The following GRM5 variants were observed in gnomAD, a reference collection of about 807,000 sequenced individuals.
The protein encoded by GRM5 is metabotropic glutamate receptor 5.
A neutral mutation model predicts 83.1 loss-of-function variants in GRM5; 19 were observed. The observed-to-expected ratio is 0.23, with a 90% CI of 0.16 to 0.34. GRM5 has a LOEUF of 0.34. Among genes scored for constraint, GRM5 ranks in the 10% least tolerant of loss-of-function variants. The pLI, the probability that GRM5 is intolerant of heterozygous loss-of-function variation, is 1.00. For missense variants in GRM5, 1,160 were observed against 1,588.3 expected (o/e 0.73, Z 4.58); for synonymous variants, 675 against 633.6 (o/e 1.07, Z -0.98).
chr11:88,766,787 T>C (rs539846125), intron 3 of GRM5, among the ~76,000 whole-genome samples: 1 of 152,066 alleles, frequency 6.6e-6, no homozygotes, highest in Non-Finnish European at 1.5e-5. Context: ...GAAGAAAATA[T>C]TTGCAAACTA....
chr11:88,949,181 C>A (rs781081102), intron 2 of GRM5, among the ~76,000 whole-genome samples: 1 of 152,162 alleles, frequency 6.6e-6, no homozygotes, highest in Non-Finnish European at 1.5e-5. Flanking sequence ...GGCATCAAAC[C>A]CTGATTTTAG....
chr11:88,528,182 A>C (rs995885322), intron 8 of GRM5, among the ~76,000 whole-genome samples: 2 of 152,096 alleles, frequency 1.3e-5, no homozygotes, highest in Non-Finnish European at 2.9e-5. Context: ...AAATAATGAA[A>C]ATTCAAAACA....
chr11:89,036,065 T>C (rs1185965081), intron 2 of GRM5, among the ~76,000 whole-genome samples: 3 of 152,106 alleles, frequency 2.0e-5, no homozygotes, highest in Non-Finnish European at 2.9e-5. Flanking sequence ...TAAAAAAGAA[T>C]TCAAAAGTAC....
At chr11:88,711,578 AC>A (rs1322745764) in intron 3 of GRM5, among the ~76,000 whole-genome samples, 23 of 152,082 alleles carry the variant, frequency 1.5e-4, no homozygotes, top group Admixed American at 6.6e-4. Context: ...TGTACTAAGC[AC>A]TTGTTGGCTA....
At chr11:88,877,841 AGC>A (rs1944884069) in intron 2 of GRM5, among the ~76,000 whole-genome samples, 6 of 146,728 alleles carry the variant, frequency 4.1e-5, no homozygotes, top group South Asian at 2.2e-4. Context: ...AAAAAAAAAA[AGC>A]AGAAAGAAAG....
chr11:89,043,969 C>T (rs924134184), intron 2 of GRM5, among the ~76,000 whole-genome samples: 2 of 152,122 alleles, frequency 1.3e-5, no homozygotes, highest in Admixed American at 1.3e-4. Context: ...GCCAGTGCTA[C>T]ATGAAAGTAA....
intron 2 of GRM5, among the ~76,000 whole-genome samples, chr11:88,943,810 C>CA (rs200597806): frequency 0.02 from 3,071 of 151,988 alleles, 111 homozygotes; most frequent in African/African-American, 0.071. Context: ...CTACAGTATG[C>CA]AATGTAGAGG....
chr11:88,643,319 T>C (rs6483338), intron 4 of GRM5, among the ~76,000 whole-genome samples: 129,463 of 152,044 alleles, frequency 0.85, 57,058 homozygotes, highest in Non-Finnish European at 0.97. Context: ...GCAAGAACAG[T>C]CTCAAGGGGA....
intron 2 of GRM5, among the ~76,000 whole-genome samples, chr11:88,909,793 G>A (rs2135606974): frequency 1.3e-5 from 2 of 152,008 alleles, no homozygotes; most frequent in Middle Eastern, 6.8e-3. Flanking sequence ...TAATATTAAT[G>A]CCCAAAGCTC....
intron 3 of GRM5, among the ~76,000 whole-genome samples, chr11:88,673,706 T>C (rs769159631): frequency 6.6e-6 from 1 of 151,836 alleles, no homozygotes; most frequent in Non-Finnish European, 1.5e-5. Context: ...TGGCTGTTCA[T>C]ACTTGAATGT....
chr11:88,954,895 A>G (rs911755203), intron 2 of GRM5, among the ~76,000 whole-genome samples: 3 of 152,208 alleles, frequency 2.0e-5, no homozygotes, highest in Non-Finnish European at 4.4e-5. Context: ...AAAGGCTTCA[A>G]TGGCAAGGGC....
chr11:88,594,575 A>C (rs1937748993), intron 6 of GRM5, among the ~76,000 whole-genome samples: 1 of 152,060 alleles, frequency 6.6e-6, no homozygotes. Context: ...GTATACCATA[A>C]TAAGACATAC....
chr11:88,765,153 A>T (rs759824967), intron 3 of GRM5, among the ~76,000 whole-genome samples: 20 of 151,602 alleles, frequency 1.3e-4, no homozygotes, highest in Non-Finnish European at 3.0e-4. Context: ...TAAATCATAA[A>T]GAAATAGAAT....
At chr11:88,690,404 TATC>T (rs1940752631) in intron 3 of GRM5, among the ~76,000 whole-genome samples, 1 of 152,146 alleles carries the variant, frequency 6.6e-6, no homozygotes, top group South Asian at 2.1e-4. Context: ...AAAAAGGTAA[TATC>T]ATGAAATAGA....
At chr11:89,021,795 G>A (rs763421843) in intron 2 of GRM5, among the ~76,000 whole-genome samples, 11 of 152,128 alleles carry the variant, frequency 7.2e-5, no homozygotes, top group Non-Finnish European at 7.3e-5. Flanking sequence ...GGGTTATAAC[G>A]TCTTCCTCAC....
chr11:88,616,770 T>A (rs187890474), intron 4 of GRM5, among the ~76,000 whole-genome samples: 2 of 152,306 alleles, frequency 1.3e-5, no homozygotes. Context: ...ATTTTTATCA[T>A]ATATTAAACA....
At chr11:88,897,024 C>T (rs767931959) in intron 2 of GRM5, among the ~76,000 whole-genome samples, 1 of 151,838 alleles carries the variant, frequency 6.6e-6, no homozygotes, top group Non-Finnish European at 1.5e-5. Flanking sequence ...GGACAAAATA[C>T]CCTAATCAAA....
At chr11:88,964,347 A>G (rs193209046) in intron 2 of GRM5, among the ~76,000 whole-genome samples, 1 of 148,308 alleles carries the variant, frequency 6.7e-6, no homozygotes, top group Non-Finnish European at 1.5e-5. Context: ...TGAGAGTAAC[A>G]GTAGAATAGG....
intron 2 of GRM5, among the ~76,000 whole-genome samples, chr11:89,041,085 T>C (rs945110110): frequency 7.9e-5 from 12 of 151,960 alleles, no homozygotes; most frequent in African/African-American, 2.7e-4. Context: ...AGCTAAAAGG[T>C]TTTAATGACA....
Sources: allele counts gnomAD v4.1 joint callset (sites outside exome capture counted in the v4.1 genomes callset), GRCh38; gene constraint gnomAD v4.1.1; transcripts MANE v1.5; gene names NCBI Gene and HGNC (gene_info 2026-07-23, HGNC 2026-07-21).